The following TAOK3 variants were observed in gnomAD, a reference collection of about 807,000 sequenced individuals.
The protein encoded by TAOK3 is serine/threonine-protein kinase TAO3.
TAOK3 carries 40 observed loss-of-function variants against 120.4 expected under a neutral mutation model. The observed-to-expected ratio is 0.33, with a 90% CI of 0.26 to 0.43. The LOEUF is 0.43. Among genes scored for constraint, TAOK3 ranks in the 20% least tolerant of loss-of-function variants. TAOK3 has a pLI of 1.00. For missense variants in TAOK3, 821 were observed against 1,112.1 expected (o/e 0.74, Z 3.72); for synonymous variants, 355 against 387.5 (o/e 0.92, Z 0.99).
Position 118,306,833 on chromosome 12 carries a change from T to C in TAOK3, c.-193-40074A>G, listed in dbSNP as rs528180296. Among the ~76,000 whole-genome samples the C allele has an allele frequency of 5.9e-5, 9 of 152,328 alleles. No homozygotes were observed. The South Asian group carries it at 8.3e-4, about 14-fold the overall frequency. On this transcript the variant is annotated intron_variant, in intron 1 of 20. Coordinates refer to ENST00000392533, the MANE Select transcript of TAOK3 (RefSeq NM_016281.4). ...GTTCTGCTTCATCAGTACATTCAAA[T>C]AGAATGCTCCATAATGAAGAAAATA...
chr12:118,279,675 T>C (rs1364744481), intron 1 of TAOK3, among the ~76,000 whole-genome samples: 1 of 150,342 alleles, frequency 6.7e-6, no homozygotes, highest in Non-Finnish European at 1.5e-5. Context: ...CCTCTGCCTC[T>C]GGGATTCAAG....
intron 1 of TAOK3, among the ~76,000 whole-genome samples, chr12:118,328,923 T>C (rs1046360369): frequency 1.3e-5 from 2 of 152,262 alleles, no homozygotes; most frequent in East Asian, 1.9e-4. Context: ...AAATCTATTA[T>C]GTGCCAGGCT....
intron 14 of TAOK3, among the ~76,000 whole-genome samples, chr12:118,187,674 A>T (rs2037158490): frequency 6.6e-6 from 1 of 152,008 alleles, no homozygotes; most frequent in South Asian, 2.1e-4. Flanking sequence ...CCCAATCATG[A>T]CTCCCAAAGC....
At chr12:118,202,482 C>T (rs2038072187) in intron 11 of TAOK3, among the ~76,000 whole-genome samples, 2 of 152,178 alleles carry the variant, frequency 1.3e-5, no homozygotes, top group South Asian at 2.1e-4. Flanking sequence ...ACATTCCCAC[C>T]AACAGTATAT....
intron 11 of TAOK3, among the ~76,000 whole-genome samples, chr12:118,204,605 AG>A (rs1218116240): frequency 6.6e-6 from 1 of 152,248 alleles, no homozygotes; most frequent in African/African-American, 2.4e-5. Context: ...AGGATGAGAA[AG>A]AAAGGAAGAA....
At position 118,371,527 on chromosome 12, in the gene TAOK3, G is replaced by A. The variant is rs2045891301; in HGVS notation, c.-194+1121C>T. Among the ~76,000 whole-genome samples the A allele has an allele frequency of 1.5e-4, 1 of 6,718 alleles. No individual in the cohort carries two copies. Among genetic ancestry groups the A allele is most frequent in the African/African-American group, 1.7e-3 (1 of 590 alleles). The allele number at this position is 6,718 out of a possible 152,430, so 4.4% of individuals were successfully genotyped here. A position where few individuals can be genotyped will look rare whatever the true frequency, so the allele number is the denominator to read the frequency against. ...ATGTTTCATGACATAATCCGGCTCC[G>A]GAGTCCCCCGGAGTCCCGGGGGCTC... On this transcript the variant is annotated intron_variant, in intron 1 of 20. Transcript: ENST00000392533. The surrounding 1 kb of genome is among the most constrained non-coding windows in gnomAD (Gnocchi z 5.5).
chr12:118,361,365 A>G (rs1371827828), intron 1 of TAOK3, among the ~76,000 whole-genome samples: 1 of 152,216 alleles, frequency 6.6e-6, no homozygotes, highest in Admixed American at 6.5e-5. Context: ...TAGTAAATTC[A>G]AGGCTGCTCC....
At chr12:118,210,956 C>A (rs1353308534) in intron 11 of TAOK3, among the ~76,000 whole-genome samples, 1 of 152,084 alleles carries the variant, frequency 6.6e-6, no homozygotes, top group African/African-American at 2.4e-5. Context: ...CCAGGCTGGT[C>A]TCGAACTGGT....
intron 1 of TAOK3, among the ~76,000 whole-genome samples, chr12:118,279,721 C>A (rs2042027051): frequency 6.7e-6 from 1 of 148,554 alleles, no homozygotes; most frequent in African/African-American, 2.5e-5. Flanking sequence ...GTAGCTGGGG[C>A]TACAGGCATG....
chr12:118,245,042 G>A lies in TAOK3; in HGVS notation c.121-77C>T, dbSNP rs2040429467. On this transcript the variant is annotated intron_variant, in intron 3 of 20. Coordinates refer to ENST00000392533, the MANE Select transcript of TAOK3 (RefSeq NM_016281.4). The stretch of plus-strand genomic sequence containing the variant: ...AATTTAACTTAAATATTTGACTAGA[G>A]ACTATTTATTTATATATTTATTTAT... 3.2e-6 allele frequency: 3 copies of A among 943,860 alleles called. No individual in the cohort carries two copies. In the Admixed American group the frequency reaches 6.4e-5, roughly 20 times the overall value. The allele number at this position is 943,860 out of a possible 1,614,324, so 58.5% of individuals were successfully genotyped here.
intron 1 of TAOK3, among the ~76,000 whole-genome samples, chr12:118,318,661 A>C (rs1157606487): frequency 1.3e-5 from 2 of 152,238 alleles, no homozygotes; most frequent in Non-Finnish European, 2.9e-5. Flanking sequence ...GATTATGGAA[A>C]GCAGTATGGA....
At chr12:118,199,350 G>A (rs995786022) in intron 12 of TAOK3, 93 bp from the exon 13 acceptor site, 1 of 1,010,448 alleles carries the variant, frequency 9.9e-7, no homozygotes, top group Non-Finnish European at 1.5e-6. Flanking sequence ...ATTTTGCAGT[G>A]TCAAGTTGCT....
intron 11 of TAOK3, among the ~76,000 whole-genome samples, chr12:118,210,740 C>CTTTTTTTTT (rs972130210): frequency 7.2e-6 from 1 of 139,086 alleles, no homozygotes; most frequent in African/African-American, 2.7e-5. Context: ...TTTCTTTTTT[C>CTTTTTTTTT]TTTTTTTTTT....
chr12:118,326,558 A>G (rs2043943897), intron 1 of TAOK3, among the ~76,000 whole-genome samples: 1 of 152,234 alleles, frequency 6.6e-6, no homozygotes, highest in African/African-American at 2.4e-5. Context: ...TCAAATATAC[A>G]TTTTTAATGT....
intron 9 of TAOK3, among the ~76,000 whole-genome samples, chr12:118,219,305 T>C (rs117711079): frequency 0.015 from 2,341 of 151,426 alleles, 27 homozygotes; most frequent in Non-Finnish European, 0.026. Flanking sequence ...CAGGCTGGAG[T>C]GCAGTGGCGT....
chr12:118,228,215 G>A (rs1197032402), intron 9 of TAOK3, among the ~76,000 whole-genome samples: 1 of 149,294 alleles, frequency 6.7e-6, no homozygotes, highest in African/African-American at 2.5e-5. Context: ...GCAATGGTAC[G>A]GTCTTGGCTC....
chr12:118,158,962 CT>C (rs2035027729), intron 19 of TAOK3, among the ~76,000 whole-genome samples: 1 of 152,138 alleles, frequency 6.6e-6, no homozygotes, highest in East Asian at 1.9e-4. Flanking sequence ...ACAACTTTTT[CT>C]TTTATGCCTA....
chr12:118,275,505 C>A (rs2041872466), intron 1 of TAOK3, among the ~76,000 whole-genome samples: 2 of 152,154 alleles, frequency 1.3e-5, no homozygotes, highest in Non-Finnish European at 2.9e-5. Flanking sequence ...CTTTATGTAA[C>A]TATAATACAC....
intron 10 of TAOK3, 95 bp from the exon 11 acceptor site, chr12:118,213,090 T>G: frequency 1.5e-6 from 1 of 688,770 alleles, no homozygotes; most frequent in Non-Finnish European, 2.2e-6. Context: ...AATTTTGCAT[T>G]TAAGGAGATT....
Sources: gnomAD v4.1 joint callset for allele counts (sites outside exome capture counted in the v4.1 genomes callset) on GRCh38, gnomAD v4.1.1 for gene constraint, Gnocchi (gnomAD v3.1) non-coding constraint, MANE v1.5 for transcripts, NCBI Gene and HGNC (gene_info 2026-07-23, HGNC 2026-07-21) for gene names.